Variants in TRDN observed in about 807,000 individuals in gnomAD.
TRDN encodes triadin, also known as triadin in skeletal muscle.
TRDN carries 161 observed loss-of-function variants against 149.7 expected under a neutral mutation model. The ratio of observed to expected loss-of-function variants is 1.08; its 90% CI spans 0.95 to 1.23. The LOEUF (loss-of-function observed/expected upper bound fraction) is 1.23. Among genes scored for constraint, TRDN ranks in the 50% most tolerant of loss-of-function variants. The pLI, the probability that TRDN is intolerant of heterozygous loss-of-function variation, is 0.00. For missense variants in TRDN, 896 were observed against 823.5 expected, an observed-to-expected ratio of 1.09 and a Z score of -1.08; for synonymous variants, 294 against 250.5, an observed-to-expected ratio of 1.17 and a Z score of -1.64.
chr6:123,226,839 A>G (rs1245969901), intron 38 of TRDN, among the ~76,000 whole-genome samples: 2 of 151,890 alleles, frequency 1.3e-5, no homozygotes, highest in Non-Finnish European at 1.5e-5. Flanking sequence ...AAATGTGCCA[A>G]TGAAATTTTA....
intron 9 of TRDN, among the ~76,000 whole-genome samples, chr6:123,494,674 G>A (rs1778358634): frequency 6.6e-6 from 1 of 152,170 alleles, no homozygotes; most frequent in South Asian, 2.1e-4. Context: ...TATGTGTAGA[G>A]TATGAATTTC....
intron 24 of TRDN, among the ~76,000 whole-genome samples, chr6:123,283,105 A>G (rs1777640895): frequency 6.6e-6 from 1 of 151,970 alleles, no homozygotes; most frequent in Admixed American, 6.6e-5. Flanking sequence ...AATTGAAATG[A>G]TAACAAGTAC....
chr6:123,617,737 A>T (rs1451943787), intron 1 of TRDN, among the ~76,000 whole-genome samples: 1 of 152,044 alleles, frequency 6.6e-6, no homozygotes, highest in African/African-American at 2.4e-5. Flanking sequence ...TGAAAAATAA[A>T]TTTGTTTGTT....
intron 19 of TRDN, among the ~76,000 whole-genome samples, chr6:123,367,719 A>C (rs1486774650): frequency 1.3e-5 from 2 of 152,342 alleles, no homozygotes; most frequent in East Asian, 3.9e-4. Context: ...TGCTGAGCGC[A>C]AAAGGTCTGA....
At chr6:123,561,973 C>G (rs940756413) in intron 2 of TRDN, among the ~76,000 whole-genome samples, 5 of 152,082 alleles carry the variant, frequency 3.3e-5, no homozygotes, top group Admixed American at 2.6e-4. Flanking sequence ...GCCATCATAT[C>G]CCCTGTGACC....
chr6:123,407,910 C>T (rs971740854), intron 12 of TRDN, among the ~76,000 whole-genome samples: 1 of 152,134 alleles, frequency 6.6e-6, no homozygotes, highest in Admixed American at 6.5e-5. Flanking sequence ...GACCTCACCA[C>T]AATAAACCAC....
At chr6:123,352,452 C>T in intron 21 of TRDN, 87 bp downstream of exon 21, 1 of 1,564,652 alleles carries the variant, frequency 6.4e-7, no homozygotes, top group Non-Finnish European at 8.6e-7. Flanking sequence ...AGGTTATTGT[C>T]TTCCGCCTGT....
intron 12 of TRDN, among the ~76,000 whole-genome samples, chr6:123,411,468 T>C (rs1773440110): frequency 6.6e-6 from 1 of 152,146 alleles, no homozygotes; most frequent in Non-Finnish European, 1.5e-5. Flanking sequence ...AATTGCTTTG[T>C]ATGACCTAGT....
intron 1 of TRDN, among the ~76,000 whole-genome samples, chr6:123,593,221 A>G (rs1367263907): frequency 1.3e-5 from 2 of 152,232 alleles, no homozygotes; most frequent in Non-Finnish European, 2.9e-5. Context: ...TCTCTGCACC[A>G]GTGAAACTGA....
At chr6:123,502,902 A>G (rs1434478405) in intron 8 of TRDN, 1 of 985,230 alleles carries the variant, frequency 1.0e-6, no homozygotes, top group Non-Finnish European at 1.2e-6. Context: ...GGAGTCAGGA[A>G]TGGACTTAGG....
chr6:123,274,932 A>G (rs981616976), intron 26 of TRDN, among the ~76,000 whole-genome samples: 1 of 152,036 alleles, frequency 6.6e-6, no homozygotes, highest in African/African-American at 2.4e-5. Flanking sequence ...TGAAACAGAA[A>G]CATGCTTTGC....
intron 19 of TRDN, among the ~76,000 whole-genome samples, chr6:123,373,280 T>C (rs1322706044): frequency 1.3e-5 from 2 of 152,156 alleles, no homozygotes; most frequent in Non-Finnish European, 2.9e-5. Flanking sequence ...GTTTTAAAAA[T>C]GGGAGTTCTC....
chr6:123,238,317 A>C (rs1440483807), intron 38 of TRDN, among the ~76,000 whole-genome samples: 1 of 152,218 alleles, frequency 6.6e-6, no homozygotes, highest in African/African-American at 2.4e-5. Context: ...CATGTAAGTC[A>C]AGATTAGATG....
At position 123,248,595 on chromosome 6, in the gene TRDN, A is replaced by G. The variant is rs1465155200; in HGVS notation, c.1975+3817T>C. Among the ~76,000 whole-genome samples, 8 of 152,120 alleles carry G rather than the reference A, an allele frequency of 5.3e-5. No homozygotes were observed. The East Asian group carries it at 1.6e-3, about 29-fold the overall frequency. On this transcript the variant is annotated intron_variant, in intron 38 of 40. Coordinates refer to ENST00000334268, the MANE Select transcript of TRDN (RefSeq NM_006073.4). Reference sequence around the variant, plus strand: ...ATAAAAATCAGAGACTTATATGCACAACTACATGCTAATTAACTGGAAAAA... The same window carrying G: ...ATAAAAATCAGAGACTTATATGCACGACTACATGCTAATTAACTGGAAAAA...
At position 123,464,427 on chromosome 6, in the gene TRDN, C is replaced by T. The variant is rs570819779; in HGVS notation, c.931+479G>A. 63 of 954,990 alleles carry T rather than the reference C, an allele frequency of 6.6e-5. No homozygotes were observed. The Admixed American group carries it at 7.9e-4, about 12-fold the overall frequency. 59.2% of individuals were successfully genotyped at this position (954,990 alleles called of 1,614,324 possible). A position where few individuals can be genotyped will look rare whatever the true frequency, so the allele number is the denominator to read the frequency against. ...ATATATATTTCAATCCTCACAATAA[C>T]GCTAGGAGATCAGTGCTCTGCTTAT... On this transcript the variant is annotated intron_variant, in intron 10 of 40. Transcript: ENST00000334268.
chr6:123,229,651 G>T (rs1775522402), intron 38 of TRDN, among the ~76,000 whole-genome samples: 2 of 151,846 alleles, frequency 1.3e-5, no homozygotes, highest in African/African-American at 4.8e-5. Context: ...GGGTGGACTT[G>T]GTTCTATGAG....
At chr6:123,356,549 A>ATATG (rs1388124032) in intron 20 of TRDN, among the ~76,000 whole-genome samples, 3 of 116,278 alleles carry the variant, frequency 2.6e-5, no homozygotes, top group Non-Finnish European at 5.4e-5. Flanking sequence ...ATATATATAT[A>ATATG]GTTGTTGCTC....
intron 14 of TRDN, among the ~76,000 whole-genome samples, chr6:123,387,619 A>G (rs986063641): frequency 6.6e-6 from 1 of 152,152 alleles, no homozygotes; most frequent in Non-Finnish European, 1.5e-5. Flanking sequence ...TTTTAACCTT[A>G]TAGAACCACT....
intron 7 of TRDN, among the ~76,000 whole-genome samples, 172 bp from the exon 8 acceptor site, chr6:123,504,073 A>G (rs1562351627): frequency 6.6e-6 from 1 of 151,678 alleles, no homozygotes; most frequent in Admixed American, 6.6e-5. Flanking sequence ...TACTGTTCTT[A>G]ACATAAACAC....
Sources: allele counts gnomAD v4.1 joint callset (sites outside exome capture counted in the v4.1 genomes callset), GRCh38; gene constraint gnomAD v4.1.1; transcripts MANE v1.5; gene names NCBI Gene and HGNC (gene_info 2026-07-23, HGNC 2026-07-21).